SLC35E3: variants seen among roughly 807,000 people sequenced by gnomAD.
SLC35E3 encodes the protein solute carrier family 35 member E3.
In SLC35E3, 28 loss-of-function variants were observed where a neutral mutation model predicts 30.8. The observed-to-expected ratio is 0.91, with a 90% CI of 0.67 to 1.25. The LOEUF (loss-of-function observed/expected upper bound fraction) is 1.25, where lower values mean the gene tolerates loss of function less well. Ranked by LOEUF, SLC35E3 falls within the 50% of genes most tolerant of loss-of-function variation. The probability of loss-of-function intolerance (pLI) is 0.00; values close to 1 mark genes in which losing one functional copy is unlikely to be tolerated. For synonymous variants in SLC35E3, 146 were observed against 149.2 expected, an observed-to-expected ratio of 0.98 and a Z score of 0.16; for missense variants, 365 against 375.4, an observed-to-expected ratio of 0.97 and a Z score of 0.23.
At chr12:68,763,751 T>C (rs1879298462) in intron 4 of SLC35E3, among the ~76,000 whole-genome samples, 1 of 152,216 alleles carries the variant, frequency 6.6e-6, no homozygotes, top group Admixed American at 6.5e-5. Context: ...AAATGAACAA[T>C]GATTTGGAAA....
chr12:68,746,673 C>G lies in SLC35E3; in HGVS notation c.296C>G (p.Thr99Ser), dbSNP rs746801740. 2.5e-6 allele frequency: 4 copies of G among 1,614,248 alleles called. No homozygotes were observed. The highest frequency in any genetic ancestry group is 3.4e-6 in the Non-Finnish European group (4 of 1,180,040). The part of the protein sequence containing the change: ...VFTNLSLQNN[T>S]IGTYQLAKAM... Reference sequence around the variant, plus strand: ...ACTAACCTTTCTCTGCAGAACAACACCATAGGCACCTATCAGCTGGCCAAG... The same window carrying G: ...ACTAACCTTTCTCTGCAGAACAACAGCATAGGCACCTATCAGCTGGCCAAG... The change falls in exon 1 of 5, where the codon ACC (threonine) becomes AGC (serine). Residue 99 changes from threonine (T) to serine (S), a missense_variant. Thr to Ser is a moderately conservative substitution (Grantham distance 58). Transcript: ENST00000398004.
At position 68,771,505 on chromosome 12, in the gene SLC35E3, CAG is replaced by C. The variant is rs1311456738; in HGVS notation, c.*6619_*6620del. 4 of 152,052 alleles carry C rather than the reference CAG, an allele frequency of 2.6e-5. No individual in the cohort carries two copies. The highest frequency in any genetic ancestry group is 1.9e-4 in the East Asian group (1 of 5,172). 9.4% of individuals were successfully genotyped at this position (152,052 alleles called of 1,614,324 possible). On this transcript the variant is annotated 3_prime_UTR_variant, in exon 5 of 5. Coordinates refer to ENST00000398004, the MANE Select transcript of SLC35E3 (RefSeq NM_018656.5). Reference sequence around the variant, plus strand: ...ATAGAACATAATGCTGCAAAAGAAACAGAGAAGGAACAAAGAGGTGGGAGGAA... The same window carrying C: ...ATAGAACATAATGCTGCAAAAGAAACAGAAGGAACAAAGAGGTGGGAGGAA...
intron 4 of SLC35E3, 130 bp downstream of exon 4, chr12:68,759,369 C>G (rs1466851907): frequency 1.5e-6 from 1 of 682,892 alleles, no homozygotes; most frequent in Non-Finnish European, 2.5e-6. Context: ...TTATTTTTAG[C>G]CTTTTACTGT....
Position 68,746,579 on chromosome 12 carries a change from G to T in SLC35E3, c.202G>T (p.Ala68Ser). 1.2e-6 allele frequency: 2 copies of T among 1,614,160 alleles called. No homozygotes were observed. Among genetic ancestry groups the T allele is most frequent in the Non-Finnish European group, 1.7e-6 (2 of 1,180,014 alleles). ...TATCTGCCAGAAGCTGGACATCTTT[G>T]CCCCCAAAAGTCTGCCGCCCTCCAG... Reference protein sequence around the residue: ...LYICQKLDIFAPKSLPPSRLL... With the variant: ...LYICQKLDIFSPKSLPPSRLL... Residue 68 changes from alanine to serine, a missense_variant, in exon 1 of 5, where the codon GCC becomes TCC. Transcript: ENST00000398004.
At position 68,780,529 on chromosome 12, in the gene SLC35E3, C is replaced by T. The variant is rs920655301; in HGVS notation, c.*15639C>T. 1.3e-5 allele frequency: 2 copies of T among 149,404 alleles called. No homozygotes were observed. The highest frequency in any genetic ancestry group is 2.5e-5 in the African/African-American group (1 of 40,200). The allele number at this position is 149,404 out of a possible 1,614,324, so 9.3% of individuals were successfully genotyped here. Reference sequence around the variant, plus strand: ...GGAGACAGAGTTTCACTCTTGTTGCCCAGGCTGGAGTGCAATGGCATGATC... The same window carrying T: ...GGAGACAGAGTTTCACTCTTGTTGCTCAGGCTGGAGTGCAATGGCATGATC... On this transcript the variant is annotated 3_prime_UTR_variant, in exon 5 of 5. Coordinates refer to ENST00000398004, the MANE Select transcript of SLC35E3 (RefSeq NM_018656.5).
intron 3 of SLC35E3, among the ~76,000 whole-genome samples, chr12:68,755,883 A>G (rs2136072161): frequency 6.6e-6 from 1 of 152,292 alleles, no homozygotes; most frequent in African/African-American, 2.4e-5. Context: ...TCAACATGAG[A>G]TTTGGAGGGA....
Position 68,774,630 on chromosome 12 carries a change from C to A in SLC35E3, c.*9740C>A, listed in dbSNP as rs1353934050. 2.0e-5 allele frequency: 3 copies of A among 151,594 alleles called. No homozygotes were observed. Among genetic ancestry groups the A allele is most frequent in the African/African-American group, 4.9e-5 (2 of 41,104 alleles). The allele number at this position is 151,594 out of a possible 1,614,324, so 9.4% of individuals were successfully genotyped here. On this transcript the variant is annotated 3_prime_UTR_variant, in exon 5 of 5. Coordinates refer to ENST00000398004, the MANE Select transcript of SLC35E3 (RefSeq NM_018656.5). Reference sequence around the variant, plus strand: ...GTGTGCACCTGTGGTCTCAGCTACTCAGGAAGCTGAAGCAGGAGGATTGCC... The same window carrying A: ...GTGTGCACCTGTGGTCTCAGCTACTAAGGAAGCTGAAGCAGGAGGATTGCC...
chr12:68,764,846 A>G lies in SLC35E3; in HGVS notation c.898A>G (p.Ser300Gly), dbSNP rs150825073. The stretch of plus-strand genomic sequence containing the variant: ...TCTCGCCTATACCCACTTTAAGCTC[A>G]GTGAACAGGAAGGAAGTAGGAGTAA... ...GILAYTHFKL[S>G]EQEGSRSKLA... The change falls in exon 5 of 5, where the codon AGT becomes GGT. Residue 300 changes from serine to glycine, a missense_variant. Physicochemically the swap from Ser to Gly is moderately conservative, Grantham distance 56 (BLOSUM62 0). Transcript: ENST00000398004. 6.2e-7 allele frequency: 1 copy of G among 1,614,186 alleles called. No homozygotes were observed. Among genetic ancestry groups the G allele is most frequent in the African/African-American group, 1.3e-5 (1 of 75,060 alleles).
At chr12:68,747,020 G>A (rs556285330) in intron 1 of SLC35E3, among the ~76,000 whole-genome samples, 200 of 152,292 alleles carry the variant, frequency 1.3e-3, no homozygotes, top group Non-Finnish European at 2.0e-3. Flanking sequence ...TAAATGCTGT[G>A]ATCGATAAGA....
In SLC35E3 at chr12:68,746,187, C is replaced by A; in HGVS notation, c.-191C>A. ...GGACGTGCTGCGGCGTCCTAGCTGG[C>A]TTACAGGGCGGCGGCGGGGTGTGTG... On this transcript the variant is annotated 5_prime_UTR_variant, in exon 1 of 5. Coordinates refer to ENST00000398004, the MANE Select transcript of SLC35E3 (RefSeq NM_018656.5). 1 of 505,564 alleles carries A rather than the reference C, an allele frequency of 2.0e-6. No homozygotes were observed. Among genetic ancestry groups the A allele is most frequent in the South Asian group, 3.4e-5 (1 of 29,064 alleles). 31.3% of individuals were successfully genotyped at this position (505,564 alleles called of 1,614,324 possible).
rs549360823 is a variant in SLC35E3, at chr12:68,779,543, G to A, written c.*14653G>A. 1.3e-5 allele frequency: 2 copies of A among 152,246 alleles called. No homozygotes were observed. The highest frequency in any genetic ancestry group is 4.1e-4 in the South Asian group (2 of 4,826). 9.4% of individuals were successfully genotyped at this position (152,246 alleles called of 1,614,324 possible). A position where few individuals can be genotyped will look rare whatever the true frequency, so the allele number is the denominator to read the frequency against. ...GTGGCTGGAACCAGAAAGGATATAAGCATGGTTTGAGAAGGAAAAAAAGCT... is the reference window on the plus strand; with the variant it reads ...GTGGCTGGAACCAGAAAGGATATAAACATGGTTTGAGAAGGAAAAAAAGCT... On this transcript the variant is annotated 3_prime_UTR_variant, in exon 5 of 5. Coordinates refer to ENST00000398004, the MANE Select transcript of SLC35E3 (RefSeq NM_018656.5).
rs1165819620 is a variant in SLC35E3, at chr12:68,765,693, C to T, written c.*803C>T. ...ATATATACACACACACATACATATA[C>T]ATGTGTATATATATACCATCCCATA... On this transcript the variant is annotated 3_prime_UTR_variant, in exon 5 of 5. Coordinates refer to ENST00000398004, the MANE Select transcript of SLC35E3 (RefSeq NM_018656.5). 2.7e-5 allele frequency: 4 copies of T among 148,140 alleles called. No individual in the cohort carries two copies. Among genetic ancestry groups the T allele is most frequent in the Non-Finnish European group, 4.5e-5 (3 of 67,262 alleles). 9.2% of individuals were successfully genotyped at this position (148,140 alleles called of 1,614,324 possible).
Position 68,773,258 on chromosome 12 carries a change from G to A in SLC35E3, c.*8368G>A, listed in dbSNP as rs1879654390. On this transcript the variant is annotated 3_prime_UTR_variant, in exon 5 of 5. Transcript: ENST00000398004. ...AGTTCAGTGCAGGATAGGGATGGGT[G>A]GGCCTTAATTCAGGAGGTGGGAGGC... 6.6e-6 allele frequency: 1 copy of A among 152,164 alleles called. No homozygotes were observed. Among genetic ancestry groups the A allele is most frequent in the Non-Finnish European group, 1.5e-5 (1 of 68,058 alleles). 9.4% of individuals were successfully genotyped at this position (152,164 alleles called of 1,614,324 possible).
intron 2 of SLC35E3, among the ~76,000 whole-genome samples, chr12:68,749,946 T>C (rs1878730908): frequency 6.6e-6 from 1 of 152,072 alleles, no homozygotes; most frequent in African/African-American, 2.4e-5. Context: ...ATCATTCCCC[T>C]GTCTTTAGAA....
rs189005124 is a variant in SLC35E3, at chr12:68,759,680, G to A, written c.755+441G>A. The stretch of plus-strand genomic sequence containing the variant: ...GATTGTGCCACTGTACTCCAGCCTG[G>A]GCAACAGAGCAAGACTCTGTCTTAA... On this transcript the variant is annotated intron_variant, in intron 4 of 4. Coordinates refer to ENST00000398004, the MANE Select transcript of SLC35E3 (RefSeq NM_018656.5). Among the ~76,000 whole-genome samples the A allele has an allele frequency of 5.9e-5, 9 of 151,634 alleles. No homozygotes were observed. In the East Asian group the frequency reaches 1.7e-3, roughly 29 times the overall value.
Position 68,746,303 on chromosome 12 carries a change from G to A in SLC35E3, c.-75G>A. On this transcript the variant is annotated 5_prime_UTR_variant, in exon 1 of 5. Coordinates refer to ENST00000398004, the MANE Select transcript of SLC35E3 (RefSeq NM_018656.5). ...AGGTCGGCGTCTGCGAGGACGCGGC[G>A]GTGGAGTAGAAGGGCAGCCGGAGAC... 7.0e-7 allele frequency: 1 copy of A among 1,437,958 alleles called. No homozygotes were observed. The highest frequency in any genetic ancestry group is 2.3e-5 in the East Asian group (1 of 43,404). The allele number at this position is 1,437,958 out of a possible 1,614,324, so 89.1% of individuals were successfully genotyped here. A position where few individuals can be genotyped will look rare whatever the true frequency, so the allele number is the denominator to read the frequency against.
At position 68,770,166 on chromosome 12, in the gene SLC35E3, G is replaced by C. The variant is rs1355821700; in HGVS notation, c.*5276G>C. 2 of 152,190 alleles carry C rather than the reference G, an allele frequency of 1.3e-5. No individual in the cohort carries two copies. The highest frequency in any genetic ancestry group is 2.9e-5 in the Non-Finnish European group (2 of 68,076). The allele number at this position is 152,190 out of a possible 1,614,324, so 9.4% of individuals were successfully genotyped here. ...CAAATGCCTAGTGGTTGGAGGAATT[G>C]TGATGCTTTTAAAGAACTGTAAAAA... On this transcript the variant is annotated 3_prime_UTR_variant, in exon 5 of 5. Coordinates refer to ENST00000398004, the MANE Select transcript of SLC35E3 (RefSeq NM_018656.5).
Position 68,766,603 on chromosome 12 carries a change from C to T in SLC35E3, c.*1713C>T. On this transcript the variant is annotated 3_prime_UTR_variant, in exon 5 of 5. Transcript: ENST00000398004. ...TTTATATTGGTAAATTTTTTATTTT[C>T]TTATTTTTTGTCTTACAGTCGACCA... 9.3e-6 allele frequency: 2 copies of T among 214,826 alleles called. No homozygotes were observed. The highest frequency in any genetic ancestry group is 4.6e-5 in the South Asian group (1 of 21,626). 13.3% of individuals were successfully genotyped at this position (214,826 alleles called of 1,614,324 possible).
intron 4 of SLC35E3, among the ~76,000 whole-genome samples, chr12:68,763,915 C>T (rs1879303398): frequency 2.0e-5 from 3 of 152,134 alleles, no homozygotes; most frequent in South Asian, 2.1e-4. Flanking sequence ...CCTCTACAAC[C>T]GTAAATAGGA....
Sources: gnomAD v4.1 joint callset for allele counts (sites outside exome capture counted in the v4.1 genomes callset) on GRCh38, gnomAD v4.1.1 for gene constraint, MANE v1.5 for transcripts, NCBI Gene and HGNC (gene_info 2026-07-23, HGNC 2026-07-21) for gene names.